The following TMEM132D variants were observed in gnomAD, a reference collection of about 807,000 sequenced individuals.
TMEM132D encodes the protein mature OL transmembrane protein.
TMEM132D carries 21 observed loss-of-function variants against 62.3 expected under a neutral mutation model. The ratio of observed to expected loss-of-function variants is 0.34; its 90% CI spans 0.24 to 0.49. TMEM132D has a LOEUF of 0.49. TMEM132D is among the 20% of genes least tolerant of loss of function. The pLI, the probability that TMEM132D is intolerant of heterozygous loss-of-function variation, is 0.99. For synonymous variants in TMEM132D, 621 were observed against 575.6 expected (o/e 1.08, Z -1.13); for missense variants, 1,346 against 1,402.8 (o/e 0.96, Z 0.65).
At chr12:129,349,918 C>T (rs1372581347) in intron 3 of TMEM132D, among the ~76,000 whole-genome samples, 1 of 152,182 alleles carries the variant, frequency 6.6e-6, no homozygotes, top group East Asian at 1.9e-4. Context: ...CCTAGGAATT[C>T]AGTACCACCT....
Position 129,567,712 on chromosome 12 carries a change from A to T in TMEM132D, c.969-36507T>A, listed in dbSNP as rs551216676. Reference sequence around the variant, plus strand: ...TTCATAAAATTACATCATTTATGTTACCATTTAATGGCTTTACAATTGCTT... The same window carrying T: ...TTCATAAAATTACATCATTTATGTTTCCATTTAATGGCTTTACAATTGCTT... On this transcript the variant is annotated intron_variant, in intron 2 of 8. Transcript: ENST00000422113. Among the ~76,000 whole-genome samples, 9 of 152,300 alleles carry T rather than the reference A, an allele frequency of 5.9e-5. No individual in the cohort carries two copies. The East Asian group carries it at 1.7e-3, about 29-fold the overall frequency.
At chr12:129,658,388 A>C (rs1409782556) in intron 2 of TMEM132D, among the ~76,000 whole-genome samples, 2 of 152,218 alleles carry the variant, frequency 1.3e-5, no homozygotes, top group African/African-American at 4.8e-5. Context: ...GCTACAAAAC[A>C]ATGCATGATT....
intron 1 of TMEM132D, among the ~76,000 whole-genome samples, chr12:129,713,206 C>T (rs1363239333): frequency 1.3e-5 from 2 of 152,134 alleles, no homozygotes; most frequent in Non-Finnish European, 2.9e-5. Context: ...GCCCAACCTC[C>T]AAAATATTTG....
intron 2 of TMEM132D, among the ~76,000 whole-genome samples, chr12:129,635,350 C>T (rs1465982261): frequency 6.6e-6 from 1 of 152,190 alleles, no homozygotes; most frequent in African/African-American, 2.4e-5. Flanking sequence ...CCTCAGATTA[C>T]ACAAACAACA....
intron 3 of TMEM132D, among the ~76,000 whole-genome samples, chr12:129,341,783 A>G (rs1163778366): frequency 1.4e-5 from 2 of 144,818 alleles, no homozygotes; most frequent in Non-Finnish European, 3.1e-5. Context: ...CACCAATAAC[A>G]GACAAACAGA....
chr12:129,526,198 T>A (rs903201631), intron 3 of TMEM132D, among the ~76,000 whole-genome samples: 4 of 152,184 alleles, frequency 2.6e-5, no homozygotes, highest in African/African-American at 9.7e-5. Context: ...TTTTTCATCA[T>A]CCTATGGAAA....
At chr12:129,877,628 CAG>C (rs71085585) in intron 1 of TMEM132D, among the ~76,000 whole-genome samples, 9,919 of 146,670 alleles carry the variant, frequency 0.068, 927 homozygotes, top group East Asian at 0.51. Flanking sequence ...CACACACACA[CAG>C]AGAGAGAGAG....
intron 1 of TMEM132D, among the ~76,000 whole-genome samples, chr12:129,726,347 G>A (rs1359054614): frequency 6.6e-6 from 1 of 152,154 alleles, no homozygotes; most frequent in African/African-American, 2.4e-5. Context: ...TTTGAAAAGG[G>A]ACCCAGATAA....
chr12:129,250,889 A>G (rs1880246067), intron 4 of TMEM132D, among the ~76,000 whole-genome samples: 1 of 152,202 alleles, frequency 6.6e-6, no homozygotes, highest in African/African-American at 2.4e-5. Context: ...CAGAGGAATA[A>G]TGTTTTAAAT....
rs1171931681 is a variant in TMEM132D, at chr12:129,399,133, ACCT to A, written c.1116-61319_1116-61317del. Among the ~76,000 whole-genome samples, 153 of 150,852 alleles carry A rather than the reference ACCT, an allele frequency of 1.0e-3. 31 individuals are homozygous for A. Among genetic ancestry groups the A allele is most frequent in the African/African-American group, 3.7e-3 (149 of 40,546 alleles). On this transcript the variant is annotated intron_variant, in intron 3 of 8. Coordinates refer to ENST00000422113, the MANE Select transcript of TMEM132D (RefSeq NM_133448.3). Reference sequence around the variant, plus strand: ...CAGGAGCCCATTCCAGTGATAACCAACCTACTTCTGCAGTAGCTAACCCATTCC... The same window carrying A: ...CAGGAGCCCATTCCAGTGATAACCAAACTTCTGCAGTAGCTAACCCATTCC...
chr12:129,679,842 G>A (rs952967809), intron 2 of TMEM132D, among the ~76,000 whole-genome samples: 3 of 151,304 alleles, frequency 2.0e-5, no homozygotes, highest in African/African-American at 4.9e-5. Context: ...AATTATTTTT[G>A]TCTCTTATAT....
intron 3 of TMEM132D, among the ~76,000 whole-genome samples, chr12:129,514,799 T>C (rs1875625014): frequency 6.6e-6 from 1 of 152,210 alleles, no homozygotes; most frequent in Admixed American, 6.5e-5. Context: ...ATGATTTGTC[T>C]GAAGCTGAAG....
intron 2 of TMEM132D, among the ~76,000 whole-genome samples, chr12:129,585,439 C>A (rs905407185): frequency 1.3e-5 from 2 of 152,218 alleles, no homozygotes; most frequent in African/African-American, 4.8e-5. Flanking sequence ...GAAAGTGGAG[C>A]AGCCGCAGGG....
chr12:129,199,683 A>G (rs1878644778), intron 5 of TMEM132D, among the ~76,000 whole-genome samples: 1 of 152,194 alleles, frequency 6.6e-6, no homozygotes, highest in South Asian at 2.1e-4. Context: ...TCTCACAATC[A>G]CAGCAGAAGG....
Position 129,371,728 on chromosome 12 carries a change from G to A in TMEM132D, c.1116-33911C>T, listed in dbSNP as rs955160929. On this transcript the variant is annotated intron_variant, in intron 3 of 8. Transcript: ENST00000422113. This position sits in a 1 kb window ranked among gnomAD's most constrained non-coding sequence, Gnocchi z 4.3. ...ATAGTGATGGTGATGATGATGGGGTGTTTAGAACTGGAAAACATGGAAGTC... is the reference window on the plus strand; with the variant it reads ...ATAGTGATGGTGATGATGATGGGGTATTTAGAACTGGAAAACATGGAAGTC... Among the ~76,000 whole-genome samples the A allele has an allele frequency of 6.6e-6, 1 of 152,036 alleles. No individual in the cohort carries two copies. The highest frequency in any genetic ancestry group is 2.1e-4 in the South Asian group (1 of 4,800).
At chr12:129,755,613 C>A (rs972718483) in intron 1 of TMEM132D, among the ~76,000 whole-genome samples, 2 of 152,112 alleles carry the variant, frequency 1.3e-5, no homozygotes, top group Admixed American at 1.3e-4. Context: ...TCTTTTTATG[C>A]CCCTTTTGTC....
rs564046766 is a variant in TMEM132D, at chr12:129,742,693, C to T, written c.80-41995G>A. ...ACAAACACTGTGTACCATGAGTCTA[C>T]GTCCCTGGTGTGCCTGTGAGCTTTA... On this transcript the variant is annotated intron_variant, in intron 1 of 8. Transcript: ENST00000422113. Among the ~76,000 whole-genome samples, 26 of 152,264 alleles carry T rather than the reference C, an allele frequency of 1.7e-4. No individual in the cohort carries two copies. The East Asian group carries it at 4.1e-3, about 24-fold the overall frequency.
At chr12:129,537,157 C>CAAAAAAAAAAAA (rs1876416117) in intron 2 of TMEM132D, among the ~76,000 whole-genome samples, 1 of 8,790 alleles carries the variant, frequency 1.1e-4, no homozygotes, top group African/African-American at 4.9e-4. Context: ...GAAACTCTGT[C>CAAAAAAAAAAAA]TAAAAAAAAA....
rs139431637 is a variant in TMEM132D, at chr12:129,542,714, T to C, written c.969-11509A>G. On this transcript the variant is annotated intron_variant, in intron 2 of 8. Coordinates refer to ENST00000422113, the MANE Select transcript of TMEM132D (RefSeq NM_133448.3). ...TATGTAGGTATATATATAATGTATATACACACACGCATATACGTACATGCA... is the reference window on the plus strand; with the variant it reads ...TATGTAGGTATATATATAATGTATACACACACACGCATATACGTACATGCA... Among the ~76,000 whole-genome samples the C allele has an allele frequency of 5.3e-3, 805 of 152,304 alleles. 7 individuals are homozygous for C. Among genetic ancestry groups the C allele is most frequent in the African/African-American group, 0.018 (766 of 41,554 alleles).
Sources: allele counts gnomAD v4.1 joint callset (sites outside exome capture counted in the v4.1 genomes callset), GRCh38; gene constraint gnomAD v4.1.1; non-coding constraint Gnocchi (gnomAD v3.1); transcripts MANE v1.5; gene names NCBI Gene and HGNC (gene_info 2026-07-23, HGNC 2026-07-21).